Variants in CRACR2A observed in about 807,000 individuals in gnomAD.
CRACR2A encodes the protein calcium release activated channel regulator 2A.
Under a neutral mutation model 90.5 loss-of-function variants are expected in CRACR2A, and 79 were observed. The observed-to-expected ratio is 0.87, with a 90% CI of 0.73 to 1.05. CRACR2A has a LOEUF of 1.05. Ranked by LOEUF, CRACR2A falls within the 50% of genes least tolerant of loss-of-function variation. The probability of loss-of-function intolerance (pLI) is 0.00; values close to 1 mark genes in which losing one functional copy is unlikely to be tolerated. For synonymous variants in CRACR2A, 338 were observed against 356.7 expected (o/e 0.95, Z 0.59); for missense variants, 823 against 897.2 (o/e 0.92, Z 1.06).
chr12:3,674,200 A>G (rs1414616354), intron 6 of CRACR2A, among the ~76,000 whole-genome samples: 1 of 152,232 alleles, frequency 6.6e-6, no homozygotes, highest in Non-Finnish European at 1.5e-5. Context: ...CAGGAAGGGA[A>G]GAGAATATGC....
At chr12:3,657,111 G>T (rs1390107096) in intron 8 of CRACR2A, among the ~76,000 whole-genome samples, 1 of 152,242 alleles carries the variant, frequency 6.6e-6, no homozygotes, top group African/African-American at 2.4e-5. Flanking sequence ...AGCAGAGCCA[G>T]ATCTGTGGTG....
intron 7 of CRACR2A, among the ~76,000 whole-genome samples, chr12:3,666,748 A>G (rs1288210415): frequency 1.3e-5 from 2 of 152,248 alleles, no homozygotes; most frequent in Non-Finnish European, 2.9e-5. Context: ...TGCTTGGTCA[A>G]AAGATTTTTT....
intron 4 of CRACR2A, among the ~76,000 whole-genome samples, chr12:3,695,754 G>A (rs1055763153): frequency 6.6e-6 from 1 of 152,244 alleles, no homozygotes; most frequent in African/African-American, 2.4e-5. Context: ...CTGATGGAGT[G>A]AGTGACACAA....
intron 10 of CRACR2A, among the ~76,000 whole-genome samples, chr12:3,652,497 A>AAATTCCCAG (rs1944811557): frequency 6.6e-6 from 1 of 152,074 alleles, no homozygotes; most frequent in South Asian, 2.1e-4. Flanking sequence ...TACTAGGGTG[A>AAATTCCCAG]AATTCCCAGC....
chr12:3,684,404 C>G (rs1417227139), intron 4 of CRACR2A, among the ~76,000 whole-genome samples: 1 of 152,180 alleles, frequency 6.6e-6, no homozygotes, highest in East Asian at 1.9e-4. Context: ...CTTGGCACTA[C>G]CGACATTTTG....
At chr12:3,665,783 G>C (rs1945123408) in intron 7 of CRACR2A, among the ~76,000 whole-genome samples, 1 of 152,214 alleles carries the variant, frequency 6.6e-6, no homozygotes, top group Non-Finnish European at 1.5e-5. Flanking sequence ...AGGCTCAATA[G>C]AGAAGACTAA....
At chr12:3,734,647 G>GTGTA (rs1555121555) in intron 1 of CRACR2A, among the ~76,000 whole-genome samples, 66 of 151,498 alleles carry the variant, frequency 4.4e-4, no homozygotes, top group South Asian at 8.4e-4. Flanking sequence ...GTGTGTGTGT[G>GTGTA]TGTGTGCATA....
At chr12:3,650,931 A>G (rs1199392752) in intron 10 of CRACR2A, among the ~76,000 whole-genome samples, 1 of 152,264 alleles carries the variant, frequency 6.6e-6, no homozygotes, top group African/African-American at 2.4e-5. Context: ...ATACACACAT[A>G]TATTCAGAAA....
intron 19 of CRACR2A, 124 bp from the exon 20 acceptor site, chr12:3,615,563 C>T: frequency 1.4e-6 from 1 of 706,356 alleles, no homozygotes; most frequent in Non-Finnish European, 2.4e-6. Context: ...CCACCCTCAC[C>T]ACGGCATCAG....
At chr12:3,747,617 G>T (rs916524785) in intron 1 of CRACR2A, among the ~76,000 whole-genome samples, 1 of 152,206 alleles carries the variant, frequency 6.6e-6, no homozygotes. Context: ...CAATCACCCA[G>T]GTAATAGAAG....
chr12:3,639,634 C>A (rs138365088), intron 13 of CRACR2A, among the ~76,000 whole-genome samples: 12 of 152,062 alleles, frequency 7.9e-5, no homozygotes, highest in Admixed American at 2.6e-4. Context: ...ATATGTATTA[C>A]TCTTAAAGAT....
chr12:3,674,571 A>G (rs556172019), intron 6 of CRACR2A, among the ~76,000 whole-genome samples: 2 of 152,344 alleles, frequency 1.3e-5, no homozygotes, highest in East Asian at 3.9e-4. Flanking sequence ...AGCAGACAGT[A>G]GAGTGTTATA....
chr12:3,723,561 GGTGTCCCTAGGGGCAGCTCA>G (rs1381611948), intron 2 of CRACR2A, among the ~76,000 whole-genome samples: 2 of 151,972 alleles, frequency 1.3e-5, no homozygotes, highest in Non-Finnish European at 2.9e-5. Context: ...GATGCCCCTA[GGTGTCCCTAGGGGCAGCTCA>G]GTGCCCCAGT....
chr12:3,720,455 G>GAAAGAAAGAAAGAAAGA, intron 2 of CRACR2A, among the ~76,000 whole-genome samples: 1 of 140,644 alleles, frequency 7.1e-6, no homozygotes, highest in Non-Finnish European at 1.6e-5. Context: ...AAGAAAGAAA[G>GAAAGAAAGAAAGAAAGA]AAAGAAAGAA....
intron 14 of CRACR2A, 63 bp downstream of exon 14, chr12:3,638,061 C>T: frequency 6.9e-7 from 1 of 1,456,048 alleles, no homozygotes; most frequent in Non-Finnish European, 9.1e-7. Flanking sequence ...GGCGCTTGGC[C>T]TCAAATGCAA....
At chr12:3,718,948 T>C (rs1946117035) in intron 2 of CRACR2A, among the ~76,000 whole-genome samples, 1 of 152,174 alleles carries the variant, frequency 6.6e-6, no homozygotes, top group Admixed American at 6.5e-5. Context: ...CCTGGACTCC[T>C]TGAGTTAGGG....
At position 3,633,472 on chromosome 12, in the gene CRACR2A, C is replaced by A; in HGVS notation, c.1735+132G>T. The A allele has an allele frequency of 8.2e-7, 1 of 1,226,076 alleles. No homozygotes were observed. Among genetic ancestry groups the A allele is most frequent in the South Asian group, 1.5e-5 (1 of 66,232 alleles). 75.9% of individuals were successfully genotyped at this position (1,226,076 alleles called of 1,614,324 possible). On this transcript the variant is annotated intron_variant, in intron 15 of 19. Transcript: ENST00000440314. The surrounding 1 kb of genome is among the most constrained non-coding windows in gnomAD (Gnocchi z 4.5). ...CAGCCTGTCTGTTGAACAGAGCAGA[C>A]ACCAGTATCCCTACTGGCCAATCCC...
At chr12:3,685,669 C>A (rs1163837583) in intron 4 of CRACR2A, among the ~76,000 whole-genome samples, 3 of 152,290 alleles carry the variant, frequency 2.0e-5, no homozygotes, top group Admixed American at 6.5e-5. Context: ...ATATACGATA[C>A]CTTGAGTAGT....
In CRACR2A at chr12:3,615,866, G is replaced by C. The variant is rs374943644; in HGVS notation, c.2112-427C>G. ...CCTCTGCAGCTTATCACAGTAACCAGCACACAGGTGAGGCTCCAAAATATA... is the reference window on the plus strand; with the variant it reads ...CCTCTGCAGCTTATCACAGTAACCACCACACAGGTGAGGCTCCAAAATATA... On this transcript the variant is annotated intron_variant, in intron 19 of 19. Transcript: ENST00000440314. Among the ~76,000 whole-genome samples, 12 of 152,316 alleles carry C rather than the reference G, an allele frequency of 7.9e-5. No homozygotes were observed. In the East Asian group the frequency reaches 1.9e-3, roughly 24 times the overall value.
Sources: allele counts gnomAD v4.1 joint callset (sites outside exome capture counted in the v4.1 genomes callset), GRCh38; gene constraint gnomAD v4.1.1; non-coding constraint Gnocchi (gnomAD v3.1); transcripts MANE v1.5; gene names NCBI Gene and HGNC (gene_info 2026-07-23, HGNC 2026-07-21).